WDR49: variants seen among roughly 807,000 people sequenced by gnomAD.
WDR49 encodes the protein cilia- and flagella-associated protein 337.
In WDR49, 107 loss-of-function variants were observed where a neutral mutation model predicts 119.5. The ratio of observed to expected loss-of-function variants is 0.90; its 90% CI spans 0.77 to 1.05. The LOEUF (loss-of-function observed/expected upper bound fraction) is 1.05, where lower values mean the gene tolerates loss of function less well. Ranked by LOEUF, WDR49 falls within the 50% of genes least tolerant of loss-of-function variation. WDR49 has a pLI of 0.00. For synonymous variants in WDR49, 425 were observed against 418.8 expected, an observed-to-expected ratio of 1.01 and a Z score of -0.18; for missense variants, 1,240 against 1,220.5, an observed-to-expected ratio of 1.02 and a Z score of -0.24.
chr3:167,505,105 C>T (rs376834714), intron 17 of WDR49, among the ~76,000 whole-genome samples: 11 of 152,066 alleles, frequency 7.2e-5, no homozygotes, highest in South Asian at 2.1e-4. Context: ...ACACTTTTTC[C>T]GCTAGTATTC....
upstream of WDR49, among the ~76,000 whole-genome samples, chr3:167,657,165 T>C (rs1276844756): frequency 1.3e-5 from 2 of 152,194 alleles, no homozygotes. Context: ...TTTACCATTA[T>C]ATTTTCTACA....
intron 4 of WDR49, among the ~76,000 whole-genome samples, chr3:167,621,139 C>A (rs1419104796): frequency 1.3e-5 from 2 of 151,982 alleles, no homozygotes; most frequent in Non-Finnish European, 2.9e-5. Flanking sequence ...TAAATGTAAT[C>A]ATTTAATATT....
intron 11 of WDR49, among the ~76,000 whole-genome samples, chr3:167,534,574 T>C (rs1752959117): frequency 1.3e-5 from 2 of 152,138 alleles, no homozygotes; most frequent in South Asian, 2.1e-4. Context: ...TATAGATAGA[T>C]CAGTAAACCT....
intron 8 of WDR49, among the ~76,000 whole-genome samples, chr3:167,564,698 G>A: frequency 6.6e-6 from 1 of 152,166 alleles, no homozygotes. Flanking sequence ...GTTCTGATGA[G>A]AACAGTCTCT....
chr3:167,620,429 C>A lies in WDR49; in HGVS notation c.958G>T (p.Val320Phe). 6.5e-7 allele frequency: 1 copy of A among 1,533,928 alleles called. No homozygotes were observed. The highest frequency in any genetic ancestry group is 8.7e-7 in the Non-Finnish European group (1 of 1,145,570). ...TTTCATTACTGTTCAAATTCAATAC[C>A]TTGCCTGACCCAATCTCCTTGATGA... ...KLHQGDWVRQ[V>F]TYNASLDAII... The change falls in exon 5 of 19, where the codon GTT becomes TTT. Residue 320 changes from valine (V) to phenylalanine (F), a missense_variant and splice_region_variant. Transcript: ENST00000682715.
chr3:167,547,506 T>C (rs1025811460), intron 10 of WDR49, among the ~76,000 whole-genome samples: 4 of 151,768 alleles, frequency 2.6e-5, no homozygotes, highest in Non-Finnish European at 5.9e-5. Context: ...ATTAAGATCA[T>C]GACCAAGACA....
intron 5 of WDR49, among the ~76,000 whole-genome samples, chr3:167,611,258 G>A (rs761125684): frequency 6.6e-5 from 10 of 152,110 alleles, no homozygotes; most frequent in African/African-American, 1.4e-4. Flanking sequence ...TGCAAATAGC[G>A]TTGCTCTCAG....
rs150386562 is a variant in WDR49, at chr3:167,561,367, C to T, written c.1510-1139G>A. Among the ~76,000 whole-genome samples, 1,065 of 152,168 alleles carry T rather than the reference C, an allele frequency of 7.0e-3. 9 individuals are homozygous for T. The highest frequency in any genetic ancestry group is 0.012 in the Non-Finnish European group (786 of 68,012). On this transcript the variant is annotated intron_variant, in intron 8 of 18. Transcript: ENST00000682715. ...AAACCACCTGGGGAACTTTAAAAAG[C>T]ATCACTGCATACCAGATCAGAAACT...
chr3:167,505,502 AAAAAC>A, intron 16 of WDR49, 86 bp from the exon 17 acceptor site: 3 of 1,339,400 alleles, frequency 2.2e-6, no homozygotes, highest in Non-Finnish European at 1.9e-6. Flanking sequence ...TTTGACCAAA[AAAAAC>A]AAAAACAAAA....
intron 3 of WDR49, among the ~76,000 whole-genome samples, chr3:167,626,024 C>T (rs1188617807): frequency 6.6e-6 from 1 of 151,198 alleles, no homozygotes; most frequent in South Asian, 2.1e-4. Context: ...TTCGTTGAAA[C>T]AAACTATTAA....
intron 11 of WDR49, among the ~76,000 whole-genome samples, chr3:167,535,305 C>T (rs1286390908): frequency 1.3e-5 from 2 of 152,046 alleles, no homozygotes; most frequent in Non-Finnish European, 2.9e-5. Flanking sequence ...AAAGAGACAA[C>T]CTACAAAATG....
intron 18 of WDR49, among the ~76,000 whole-genome samples, chr3:167,480,950 C>T (rs149190908): frequency 1.7e-4 from 26 of 151,944 alleles, no homozygotes; most frequent in African/African-American, 6.3e-4. Flanking sequence ...CTACCTGTAT[C>T]ACACACATGA....
At chr3:167,496,691 G>A (rs6784405) in intron 18 of WDR49, among the ~76,000 whole-genome samples, 48,976 of 151,898 alleles carry the variant, frequency 0.32, 8,130 homozygotes, top group East Asian at 0.47. Flanking sequence ...TTATCTCTGC[G>A]TCTTTAGCAT....
intron 17 of WDR49, among the ~76,000 whole-genome samples, chr3:167,503,897 C>T (rs1018565776): frequency 2.6e-5 from 4 of 152,236 alleles, no homozygotes; most frequent in Non-Finnish European, 4.4e-5. Flanking sequence ...TTGTCCCTCC[C>T]GCTGTGCTCT....
At chr3:167,482,231 C>A (rs922846801) in intron 18 of WDR49, among the ~76,000 whole-genome samples, 2 of 152,048 alleles carry the variant, frequency 1.3e-5, no homozygotes, top group East Asian at 3.9e-4. Flanking sequence ...GCAATGCCTA[C>A]AAGATAATCA....
At chr3:167,547,604 G>T (rs1376162304) in intron 10 of WDR49, among the ~76,000 whole-genome samples, 4 of 149,522 alleles carry the variant, frequency 2.7e-5, no homozygotes, top group Admixed American at 6.7e-5. Context: ...AACAGATACT[G>T]AAATTGAAAA....
chr3:167,522,980 T>C (rs372339532), intron 15 of WDR49, among the ~76,000 whole-genome samples: 1 of 152,204 alleles, frequency 6.6e-6, no homozygotes, highest in African/African-American at 2.4e-5. Flanking sequence ...CTTCTTAAAA[T>C]GCATTCATCT....
chr3:167,571,041 A>C lies in WDR49; in HGVS notation c.1509+4877T>G, dbSNP rs554891171. ...CTCCATCTCAAAAAAAAAAAAAAAA[A>C]GATGGTAAATATTTGCTTGTCAGTG... On this transcript the variant is annotated intron_variant, in intron 8 of 18. Coordinates refer to ENST00000682715, the MANE Select transcript of WDR49 (RefSeq NM_001366157.1). 1.8e-3 allele frequency among the ~76,000 whole-genome samples: 276 copies of C among 150,730 alleles called. 2 individuals are homozygous for C. Among genetic ancestry groups the C allele is most frequent in the African/African-American group, 6.5e-3 (264 of 40,764 alleles).
chr3:167,563,747 G>A (rs1050236312), intron 8 of WDR49, among the ~76,000 whole-genome samples: 1 of 152,102 alleles, frequency 6.6e-6, no homozygotes, highest in African/African-American at 2.4e-5. Context: ...ATTTCTTTAT[G>A]TTGAAACATT....
Sources: gnomAD v4.1 joint callset for allele counts (sites outside exome capture counted in the v4.1 genomes callset) on GRCh38, gnomAD v4.1.1 for gene constraint, MANE v1.5 for transcripts, NCBI Gene and HGNC (gene_info 2026-07-23, HGNC 2026-07-21) for gene names.